Variants in PCDHGA12 observed in about 807,000 individuals in gnomAD.
The protein encoded by PCDHGA12 is protocadherin gamma-A12.
A neutral mutation model predicts 61.1 loss-of-function variants in PCDHGA12; 43 were observed. The ratio of observed to expected loss-of-function variants is 0.70; its 90% confidence interval spans 0.55 to 0.91. The LOEUF (loss-of-function observed/expected upper bound fraction) is 0.91. PCDHGA12 is among the 40% of genes least tolerant of loss of function. The pLI, the probability that PCDHGA12 is intolerant of heterozygous loss-of-function variation, is 0.00. For synonymous variants in PCDHGA12, 520 were observed against 542.9 expected (o/e 0.96, Z 0.59); for missense variants, 1,236 against 1,227.7 (o/e 1.01, Z -0.10).
At chr5:141,471,892 T>C (rs1429425311) in intron 1 of PCDHGA12, among the ~76,000 whole-genome samples, 1 of 152,166 alleles carries the variant, frequency 6.6e-6, no homozygotes, top group Admixed American at 6.6e-5. Context: ...GCTAGGAAGA[T>C]TGACTACAGA....
chr5:141,494,807 C>A lies in PCDHGA12; in HGVS notation c.2425C>A (p.Gln809Lys), dbSNP rs568448786. Residue 809 changes from glutamine to lysine, a missense_variant and splice_region_variant, in exon 2 of 4, where the codon CAA (glutamine) becomes AAA (lysine). Coordinates refer to ENST00000252085, the MANE Select transcript of PCDHGA12 (RefSeq NM_003735.3). ...CCCTTTCCCTCTGTTTTCTCCACAGCAAGCCCCGCCCAACACGGACTGGCG... is the reference window on the plus strand; with the variant it reads ...CCCTTTCCCTCTGTTTTCTCCACAGAAAGCCCCGCCCAACACGGACTGGCG... ...FSKDSHGLIE[Q>K]APPNTDWRFS... The A allele has an allele frequency of 2.5e-5, 40 of 1,614,144 alleles. No individual in the cohort carries two copies. The South Asian group carries it at 4.0e-4, about 16-fold the overall frequency.
intron 1 of PCDHGA12, among the ~76,000 whole-genome samples, chr5:141,438,587 CATACATATAT>C (rs1422309749): frequency 6.8e-5 from 5 of 73,430 alleles, no homozygotes; most frequent in South Asian, 5.1e-4. Context: ...TACATACATA[CATACATATAT>C]ATATATATAT....
Position 141,431,612 on chromosome 5 carries a change from G to T in PCDHGA12, c.853G>T (p.Asp285Tyr), listed in dbSNP as rs79883194. 6.2e-7 allele frequency: 1 copy of T among 1,614,244 alleles called. No homozygotes were observed. The highest frequency in any genetic ancestry group is 2.2e-5 in the East Asian group (1 of 44,880). Reference protein sequence around the residue: ...AEVRYSFRYVDDKAAQVFKLD... With the variant: ...AEVRYSFRYVYDKAAQVFKLD... Reference sequence around the variant, plus strand: ...AGTGAGGTATTCCTTCCGGTATGTGGACGACAAGGCGGCCCAAGTTTTCAA... The same window carrying T: ...AGTGAGGTATTCCTTCCGGTATGTGTACGACAAGGCGGCCCAAGTTTTCAA... The change falls in exon 1 of 4, where the codon GAC becomes TAC. Residue 285 changes from aspartate to tyrosine, a missense_variant. Asp to Tyr is a radical substitution (Grantham distance 160). Transcript: ENST00000252085. The surrounding 1 kb of genome is among the most constrained non-coding windows in gnomAD (Gnocchi z 4.8).
At position 141,490,776 on chromosome 5, in the gene PCDHGA12, G is replaced by A. The variant is rs1234115299; in HGVS notation, c.2425-4031G>A. 4.3e-6 allele frequency: 7 copies of A among 1,614,162 alleles called. No individual in the cohort carries two copies. Among genetic ancestry groups the A allele is most frequent in the African/African-American group, 1.3e-5 (1 of 75,066 alleles). On this transcript the variant is annotated intron_variant, in intron 1 of 3. Transcript: ENST00000252085. This position sits in a 1 kb window ranked among gnomAD's most constrained non-coding sequence, Gnocchi z 5.4. ...CCTCCTTTGTGTATGTCAACCCAGA[G>A]GATGGACGGATCTTTGCCCAGCGTA...
At chr5:141,461,607 A>C (rs74634930) in intron 1 of PCDHGA12, among the ~76,000 whole-genome samples, 8,353 of 152,212 alleles carry the variant, frequency 0.055, 473 homozygotes, top group African/African-American at 0.15. Flanking sequence ...AATTTAGTTC[A>C]AAGTATTTTC....
intron 1 of PCDHGA12, among the ~76,000 whole-genome samples, chr5:141,448,146 C>G (rs1375402473): frequency 6.6e-6 from 1 of 151,942 alleles, no homozygotes; most frequent in Non-Finnish European, 1.5e-5. Flanking sequence ...ATACCTCAGA[C>G]TCACCCCTGA....
At chr5:141,464,056 G>C (rs2154568334) in intron 1 of PCDHGA12, among the ~76,000 whole-genome samples, 1 of 152,210 alleles carries the variant, frequency 6.6e-6, no homozygotes, top group East Asian at 1.9e-4. Context: ...CCTGAGGTCA[G>C]GAGTTCAAGG....
At chr5:141,506,805 G>A (rs1314432893) in intron 3 of PCDHGA12, among the ~76,000 whole-genome samples, 1 of 152,172 alleles carries the variant, frequency 6.6e-6, no homozygotes, top group African/African-American at 2.4e-5. Flanking sequence ...GAGGATCAAG[G>A]CATTGCCCTA....
At chr5:141,471,046 CTT>C (rs1170588345) in intron 1 of PCDHGA12, among the ~76,000 whole-genome samples, 2,578 of 113,210 alleles carry the variant, frequency 0.023, 53 homozygotes, top group East Asian at 0.11. Context: ...CCCAAGCCCT[CTT>C]TTTTTTTTTT....
intron 1 of PCDHGA12, among the ~76,000 whole-genome samples, chr5:141,443,477 C>T (rs1279226136): frequency 6.6e-6 from 1 of 152,116 alleles, no homozygotes; most frequent in Non-Finnish European, 1.5e-5. Flanking sequence ...CAGAATTAGA[C>T]CCTGTCCCAA....
In PCDHGA12 at chr5:141,510,950, C is replaced by T. The variant is rs770587030; in HGVS notation, c.2576C>T (p.Ala859Val). 1.2e-6 allele frequency: 2 copies of T among 1,614,126 alleles called. No homozygotes were observed. The highest frequency in any genetic ancestry group is 2.2e-5 in the South Asian group (2 of 91,078). ...QAMILASASE[A>V]ADGSSTLGGG... Reference sequence around the variant, plus strand: ...TGATCTTCCTCTGTCTCTGCAGAAGCTGCTGATGGGAGCTCCACCCTGGGA... The same window carrying T: ...TGATCTTCCTCTGTCTCTGCAGAAGTTGCTGATGGGAGCTCCACCCTGGGA... The change falls in exon 4 of 4, where the codon GCT (alanine) becomes GTT (valine). Residue 859 changes from alanine (A) to valine (V), a missense_variant. Physicochemically the swap from Ala to Val is moderately conservative, Grantham distance 64. Transcript: ENST00000252085.
chr5:141,486,089 G>T lies in PCDHGA12; in HGVS notation c.2425-8718G>T, dbSNP rs2099624123. On this transcript the variant is annotated intron_variant, in intron 1 of 3. Coordinates refer to ENST00000252085, the MANE Select transcript of PCDHGA12 (RefSeq NM_003735.3). The surrounding 1 kb of genome is among the most constrained non-coding windows in gnomAD (Gnocchi z 5.0). ...CACTACTGGAAAGCTTACTCTTTTG[G>T]GGCCCCTAGACTTTGAGAGTGAGAA... is the stretch of plus-strand genomic sequence containing the variant. 1 of 1,614,084 alleles carries T rather than the reference G, an allele frequency of 6.2e-7. No individual in the cohort carries two copies. The highest frequency in any genetic ancestry group is 8.5e-7 in the Non-Finnish European group (1 of 1,180,014).
chr5:141,485,434 G>A lies in PCDHGA12; in HGVS notation c.2425-9373G>A. The A allele has an allele frequency of 6.2e-7, 1 of 1,614,166 alleles. No individual in the cohort carries two copies. The highest frequency in any genetic ancestry group is 8.5e-7 in the Non-Finnish European group (1 of 1,180,018). On this transcript the variant is annotated intron_variant, in intron 1 of 3. Coordinates refer to ENST00000252085, the MANE Select transcript of PCDHGA12 (RefSeq NM_003735.3). This position sits in a 1 kb window ranked among gnomAD's most constrained non-coding sequence, Gnocchi z 5.7. ...TGGACAGCGGAGCCCTGCTCATCAA[G>A]AACCCAATCGACCGAGAGGCACTGT...
rs1228384684 is a variant in PCDHGA12 at position 141,432,189 on chromosome 5, A to G, written c.1430A>G (p.His477Arg). Residue 477 changes from histidine (H) to arginine (R), a missense_variant, in exon 1 of 4, where the codon CAC (histidine) becomes CGC (arginine). His to Arg is a conservative substitution (Grantham distance 29, BLOSUM62 0). Coordinates refer to ENST00000252085, the MANE Select transcript of PCDHGA12 (RefSeq NM_003735.3). This position sits in a 1 kb window ranked among gnomAD's most constrained non-coding sequence, Gnocchi z 6.0. Reference protein sequence around the residue: ...RGVSLVSVTAHDPDCEENAQI... With the variant: ...RGVSLVSVTARDPDCEENAQI... The stretch of plus-strand genomic sequence containing the variant: ...GTTTCCCTCGTCTCTGTGACCGCCC[A>G]CGACCCCGACTGTGAAGAGAACGCC... 6.2e-6 allele frequency: 10 copies of G among 1,613,964 alleles called. No homozygotes were observed. Among genetic ancestry groups the G allele is most frequent in the African/African-American group, 1.3e-5 (1 of 74,878 alleles).
intron 1 of PCDHGA12, among the ~76,000 whole-genome samples, chr5:141,450,062 A>G (rs546772416): frequency 1.1e-4 from 15 of 142,322 alleles, no homozygotes; most frequent in African/African-American, 4.0e-4. Flanking sequence ...GCTGGAATGC[A>G]GTGGTATGAT....
In PCDHGA12 at chr5:141,476,466, A is replaced by C. The variant is rs771760524; in HGVS notation, c.2425-18341A>C. The C allele has an allele frequency of 6.2e-7, 1 of 1,613,996 alleles. No individual in the cohort carries two copies. Reference sequence around the variant, plus strand: ...GAGTTGGTAGTGGAGAACCCGCTGGAGCTGTTCAGCGTGGAAGTGGTGATC... The same window carrying C: ...GAGTTGGTAGTGGAGAACCCGCTGGCGCTGTTCAGCGTGGAAGTGGTGATC... On this transcript the variant is annotated intron_variant, in intron 1 of 3. Transcript: ENST00000252085. This position sits in a 1 kb window ranked among gnomAD's most constrained non-coding sequence, Gnocchi z 7.6.
intron 1 of PCDHGA12, among the ~76,000 whole-genome samples, chr5:141,444,885 T>C (rs547403761): frequency 6.6e-6 from 1 of 152,320 alleles, no homozygotes; most frequent in African/African-American, 2.4e-5. Flanking sequence ...TGTAGGATTT[T>C]TGAATGGGAT....
Position 141,485,164 on chromosome 5 carries a change from G to A in PCDHGA12, c.2425-9643G>A, listed in dbSNP as rs2099608516. 2 of 1,605,832 alleles carry A rather than the reference G, an allele frequency of 1.2e-6. No homozygotes were observed. Among genetic ancestry groups the A allele is most frequent in the Admixed American group, 1.7e-5 (1 of 59,836 alleles). On this transcript the variant is annotated intron_variant, in intron 1 of 3. Coordinates refer to ENST00000252085, the MANE Select transcript of PCDHGA12 (RefSeq NM_003735.3). This position sits in a 1 kb window ranked among gnomAD's most constrained non-coding sequence, Gnocchi z 5.7. ...CTCAGGAGCAAGTAGAGAATTAGCG[G>A]GCGGCAGCAATGCTCCGCAAGGTGA...
At chr5:141,454,331 T>G (rs1244660733) in intron 1 of PCDHGA12, among the ~76,000 whole-genome samples, 1 of 152,180 alleles carries the variant, frequency 6.6e-6, no homozygotes, top group Non-Finnish European at 1.5e-5. Context: ...CAAGAATAAA[T>G]AAAATGTTGG....
Sources: allele counts gnomAD v4.1 joint callset (sites outside exome capture counted in the v4.1 genomes callset), GRCh38; gene constraint gnomAD v4.1.1; non-coding constraint Gnocchi (gnomAD v3.1); transcripts MANE v1.5; gene names NCBI Gene and HGNC (gene_info 2026-07-23, HGNC 2026-07-21).